ALDH3B1: variants seen among roughly 807,000 people sequenced by gnomAD.
The protein encoded by ALDH3B1 is aldehyde dehydrogenase 3 family member B1, also known as aldehyde dehydrogenase family 3 member B1.
A neutral mutation model predicts 46.2 loss-of-function variants in ALDH3B1; 37 were observed. The observed-to-expected ratio is 0.80, with a 90% CI of 0.62 to 1.05. ALDH3B1 has a LOEUF of 1.05. Ranked by LOEUF, ALDH3B1 falls within the 50% of genes least tolerant of loss-of-function variation. The pLI is 0.00. For synonymous variants in ALDH3B1, 283 were observed against 281.0 expected (o/e 1.01, Z -0.07); for missense variants, 603 against 665.5 (o/e 0.91, Z 1.03).
upstream of ALDH3B1, among the ~76,000 whole-genome samples, chr11:68,009,489 A>C (rs1857189036): frequency 6.6e-6 from 1 of 152,254 alleles, no homozygotes; most frequent in South Asian, 2.1e-4. Flanking sequence ...GACTTGCGTC[A>C]AGAGCCGAGC....
rs1383532207 is a variant in ALDH3B1, at chr11:68,028,871, C to A, written c.*932C>A. 3 of 152,270 alleles carry A rather than the reference C, an allele frequency of 2.0e-5. No individual in the cohort carries two copies. Among genetic ancestry groups the A allele is most frequent in the African/African-American group, 7.2e-5 (3 of 41,420 alleles). 9.4% of individuals were successfully genotyped at this position (152,270 alleles called of 1,614,324 possible). On this transcript the variant is annotated 3_prime_UTR_variant, in exon 10 of 10. Coordinates refer to ENST00000342456, the MANE Select transcript of ALDH3B1 (RefSeq NM_000694.4). ...GCGATAGGGTCTCCCTTCCCTCCAG[C>A]CCATGCCAGAGGAGCTTGTAACTCT...
chr11:68,018,412 G>A (rs905804270), intron 2 of ALDH3B1, 115 bp from the exon 3 acceptor site: 3 of 812,760 alleles, frequency 3.7e-6, no homozygotes, highest in East Asian at 2.7e-5. Context: ...GTGAGTGAAC[G>A]AATGAATGAA....
At chr11:68,010,924 CA>C (rs1459705884) in intron 1 of ALDH3B1, among the ~76,000 whole-genome samples, 1 of 152,200 alleles carries the variant, frequency 6.6e-6, no homozygotes, top group Non-Finnish European at 1.5e-5. Context: ...GCCCCGCCTG[CA>C]GGAGGCACTT....
At chr11:68,020,500 G>A (rs1857464699) in intron 6 of ALDH3B1, among the ~76,000 whole-genome samples, 1 of 152,196 alleles carries the variant, frequency 6.6e-6, no homozygotes, top group South Asian at 2.1e-4. Context: ...CTCCTAAAGT[G>A]CAGGGATCAC....
chr11:68,018,671 C>T, intron 3 of ALDH3B1, 34 bp downstream of exon 3: 1 of 1,552,580 alleles, frequency 6.4e-7, no homozygotes, highest in Non-Finnish European at 8.7e-7. Context: ...GCAGGGGGCT[C>T]AGGGGATATT....
intron 7 of ALDH3B1, 59 bp from the exon 8 acceptor site, chr11:68,022,536 C>T: frequency 6.9e-7 from 1 of 1,440,072 alleles, no homozygotes; most frequent in Non-Finnish European, 9.1e-7. Context: ...ACCTCTACCC[C>T]CACCCTGGGG....
chr11:68,022,826 A>G (rs536635928), intron 8 of ALDH3B1, 65 bp downstream of exon 8: 2 of 1,593,544 alleles, frequency 1.3e-6, no homozygotes, highest in Non-Finnish European at 1.7e-6. Flanking sequence ...TGGTGGCAGC[A>G]GGGGGGGCAC....
At chr11:68,013,198 T>C (rs575061485) in intron 1 of ALDH3B1, among the ~76,000 whole-genome samples, 6 of 152,272 alleles carry the variant, frequency 3.9e-5, no homozygotes, top group African/African-American at 1.4e-4. Context: ...GGGCACTCCC[T>C]GGGGGCCTCA....
At chr11:68,015,556 G>C in intron 2 of ALDH3B1, 97 bp downstream of exon 2, 1 of 1,501,502 alleles carries the variant, frequency 6.7e-7, no homozygotes, top group Non-Finnish European at 9.1e-7. Flanking sequence ...CGCCCTCCAT[G>C]AAGCGGGGCT....
chr11:68,021,981 G>T, intron 7 of ALDH3B1, 110 bp downstream of exon 7: 2 of 1,493,292 alleles, frequency 1.3e-6, no homozygotes, highest in East Asian at 4.6e-5. Context: ...TGGCCCCACT[G>T]CCAGAGCCCG....
Position 68,028,071 on chromosome 11 carries a change from C to T in ALDH3B1, c.*132C>T. ...CTCCAGGGCACCCCTCAAAGCAGCG[C>T]CTGCCTCCTCCCTCCTGGGTCTTCC... On this transcript the variant is annotated 3_prime_UTR_variant, in exon 10 of 10. Coordinates refer to ENST00000342456, the MANE Select transcript of ALDH3B1 (RefSeq NM_000694.4). The T allele has an allele frequency of 2.5e-6, 3 of 1,187,458 alleles. No homozygotes were observed. Among genetic ancestry groups the T allele is most frequent in the Non-Finnish European group, 3.7e-6 (3 of 805,452 alleles). The allele number at this position is 1,187,458 out of a possible 1,614,324, so 73.6% of individuals were successfully genotyped here.
rs1186526361 is a variant in ALDH3B1, at chr11:68,028,802, G to T, written c.*863G>T. On this transcript the variant is annotated 3_prime_UTR_variant, in exon 10 of 10. Coordinates refer to ENST00000342456, the MANE Select transcript of ALDH3B1 (RefSeq NM_000694.4). ...TTTCTCAGTGGGGTGGCACGGAGCG[G>T]GGCCGCCTCCCTCTTCTCTCCAGGC... 4 of 152,396 alleles carry T rather than the reference G, an allele frequency of 2.6e-5. No individual in the cohort carries two copies. The highest frequency in any genetic ancestry group is 9.7e-5 in the African/African-American group (4 of 41,434). The allele number at this position is 152,396 out of a possible 1,614,324, so 9.4% of individuals were successfully genotyped here. A position where few individuals can be genotyped will look rare whatever the true frequency, so the allele number is the denominator to read the frequency against.
At position 68,028,177 on chromosome 11, in the gene ALDH3B1, C is replaced by T; in HGVS notation, c.*238C>T. 1.4e-6 allele frequency: 1 copy of T among 715,720 alleles called. No homozygotes were observed. Among genetic ancestry groups the T allele is most frequent in the South Asian group, 1.4e-5 (1 of 69,066 alleles). 44.3% of individuals were successfully genotyped at this position (715,720 alleles called of 1,614,324 possible). On this transcript the variant is annotated 3_prime_UTR_variant, in exon 10 of 10. Transcript: ENST00000342456. Reference sequence around the variant, plus strand: ...GGAGGCATGGGAAACAGTGCAGTGACTCACCCCCTGCCCCCGCACCAACCA... The same window carrying T: ...GGAGGCATGGGAAACAGTGCAGTGATTCACCCCCTGCCCCCGCACCAACCA...
At chr11:68,027,226 C>T (rs935633389) in intron 9 of ALDH3B1, among the ~76,000 whole-genome samples, 23 of 152,148 alleles carry the variant, frequency 1.5e-4, no homozygotes, top group African/African-American at 5.3e-4. Context: ...ATCCTTGGAG[C>T]TCACTCACTG....
chr11:68,010,995 G>C (rs950581051), intron 1 of ALDH3B1, among the ~76,000 whole-genome samples: 1 of 152,204 alleles, frequency 6.6e-6, no homozygotes, highest in Non-Finnish European at 1.5e-5. Context: ...TTTGTGACCC[G>C]GGGCTGGGTT....
chr11:68,011,860 C>G (rs965649690), intron 1 of ALDH3B1, among the ~76,000 whole-genome samples: 6 of 152,202 alleles, frequency 3.9e-5, no homozygotes, highest in African/African-American at 1.2e-4. Flanking sequence ...TGAGCACTTC[C>G]CGGGGTCCCA....
At chr11:68,015,646 T>G in intron 2 of ALDH3B1, 187 bp downstream of exon 2, 2 of 796,732 alleles carry the variant, frequency 2.5e-6, no homozygotes, top group Non-Finnish European at 4.3e-6. Flanking sequence ...GCAGCAACTA[T>G]TTGCTGAGCA....
At chr11:68,021,982 C>T in intron 7 of ALDH3B1, 111 bp downstream of exon 7, 1 of 1,492,354 alleles carries the variant, frequency 6.7e-7, no homozygotes, top group East Asian at 2.3e-5. Flanking sequence ...GGCCCCACTG[C>T]CAGAGCCCGG....
chr11:68,020,151 G>A (rs1385388998), intron 6 of ALDH3B1, among the ~76,000 whole-genome samples: 1 of 152,150 alleles, frequency 6.6e-6, no homozygotes, highest in African/African-American at 2.4e-5. Context: ...TCCTGCCCAG[G>A]GTCACCCTGC....
Sources: allele counts gnomAD v4.1 joint callset (sites outside exome capture counted in the v4.1 genomes callset), GRCh38; gene constraint gnomAD v4.1.1; transcripts MANE v1.5; gene names NCBI Gene and HGNC (gene_info 2026-07-23, HGNC 2026-07-21).